The following LY86 variants were observed in gnomAD, a reference collection of about 807,000 sequenced individuals.
The protein encoded by LY86 is lymphocyte antigen 86.
LY86 carries 20 observed loss-of-function variants against 17.3 expected under a neutral mutation model. The observed-to-expected ratio is 1.15, with a 90% CI of 0.81 to 1.68. LY86 has a LOEUF of 1.68. Among genes scored for constraint, LY86 ranks in the 40% most tolerant of loss-of-function variants. LY86 has a pLI of 0.00. For synonymous variants in LY86, 74 were observed against 70.6 expected (o/e 1.05, Z -0.24); for missense variants, 200 against 191.9 (o/e 1.04, Z -0.25).
At chr6:6,605,818 C>G (rs1185198012) in intron 1 of LY86, among the ~76,000 whole-genome samples, 22 of 150,902 alleles carry the variant, frequency 1.5e-4, no homozygotes, top group Admixed American at 1.4e-3. Flanking sequence ...CGTGGTCTCG[C>G]TGGCTGACTT....
chr6:6,626,123 T>C (rs1169917089), intron 2 of LY86, among the ~76,000 whole-genome samples, 170 bp from the exon 3 acceptor site: 1 of 152,214 alleles, frequency 6.6e-6, no homozygotes, highest in African/African-American at 2.4e-5. Context: ...TAATCCCCTG[T>C]AGCATTGCCT....
At chr6:6,593,544 C>T (rs185694631) in intron 1 of LY86, among the ~76,000 whole-genome samples, 1 of 152,278 alleles carries the variant, frequency 6.6e-6, no homozygotes, top group East Asian at 1.9e-4. Context: ...GTGAGAAGGA[C>T]TATATGAAAG....
chr6:6,600,606 A>T (rs1255759751), intron 1 of LY86, among the ~76,000 whole-genome samples: 1 of 139,730 alleles, frequency 7.2e-6, no homozygotes, highest in African/African-American at 2.7e-5. Flanking sequence ...AAAAAAAAAA[A>T]AAAAAAAAAA....
intron 1 of LY86, among the ~76,000 whole-genome samples, chr6:6,600,551 T>C (rs1387485787): frequency 1.5e-5 from 2 of 129,952 alleles, no homozygotes; most frequent in Non-Finnish European, 3.1e-5. Context: ...TATTGCACCA[T>C]TGCACTCCAG....
At chr6:6,632,339 T>A (rs894195534) in intron 3 of LY86, among the ~76,000 whole-genome samples, 1 of 152,206 alleles carries the variant, frequency 6.6e-6, no homozygotes, top group Non-Finnish European at 1.5e-5. Flanking sequence ...CATTTCTCTA[T>A]TTCTCAATTA....
rs1008144381 is a variant in LY86 at position 6,649,610 on chromosome 6, T to A, written c.353-15T>A. Reference sequence around the variant, plus strand: ...TGATTGAATAACATCATCTATGCTTTATATATTTTTTCAGAGCAGATTTAC... The same window carrying A: ...TGATTGAATAACATCATCTATGCTTAATATATTTTTTCAGAGCAGATTTAC... On this transcript the variant is annotated splice_polypyrimidine_tract_variant and intron_variant, in intron 3 of 4. Coordinates refer to ENST00000230568, the MANE Select transcript of LY86 (RefSeq NM_004271.4). 6 of 1,491,534 alleles carry A rather than the reference T, an allele frequency of 4.0e-6. No homozygotes were observed. The African/African-American group carries it at 5.6e-5, about 14-fold the overall frequency. 92.4% of individuals were successfully genotyped at this position (1,491,534 alleles called of 1,614,324 possible).
intron 1 of LY86, among the ~76,000 whole-genome samples, chr6:6,604,323 A>C (rs1761023174): frequency 6.6e-6 from 1 of 152,222 alleles, no homozygotes; most frequent in Non-Finnish European, 1.5e-5. Context: ...ACAGTATATA[A>C]AATGTATAGC....
chr6:6,648,991 C>T (rs1762147060), intron 3 of LY86, among the ~76,000 whole-genome samples: 1 of 152,108 alleles, frequency 6.6e-6, no homozygotes, highest in Non-Finnish European at 1.5e-5. Flanking sequence ...GTAGAATATG[C>T]ATTAGTTCAT....
At chr6:6,623,343 C>T (rs1761720329) in intron 1 of LY86, among the ~76,000 whole-genome samples, 2 of 152,132 alleles carry the variant, frequency 1.3e-5, no homozygotes, top group Admixed American at 6.5e-5. Context: ...AGCTTAGGGC[C>T]CCGCAGAGCT....
In LY86 at chr6:6,624,921, C is replaced by G; in HGVS notation, c.137-5C>G. 6.9e-7 allele frequency: 1 copy of G among 1,456,438 alleles called. No individual in the cohort carries two copies. Among genetic ancestry groups the G allele is most frequent in the Non-Finnish European group, 9.5e-7 (1 of 1,048,932 alleles). The allele number at this position is 1,456,438 out of a possible 1,614,324, so 90.2% of individuals were successfully genotyped here. A position where few individuals can be genotyped will look rare whatever the true frequency, so the allele number is the denominator to read the frequency against. On this transcript the variant is annotated splice_region_variant and splice_polypyrimidine_tract_variant and intron_variant, in intron 1 of 4. Transcript: ENST00000230568. ...GCAACTAATCTATTGTTTTCTTCTTCGTAGATCCATTACAAGATTTTGGCT... is the reference window on the plus strand; with the variant it reads ...GCAACTAATCTATTGTTTTCTTCTTGGTAGATCCATTACAAGATTTTGGCT...
intron 3 of LY86, among the ~76,000 whole-genome samples, chr6:6,635,289 A>C (rs1038894890): frequency 1.3e-5 from 2 of 152,234 alleles, no homozygotes; most frequent in African/African-American, 2.4e-5. Flanking sequence ...CCATATATAC[A>C]TATACCTATG....
At chr6:6,652,297 C>T (rs1762199898) in intron 4 of LY86, among the ~76,000 whole-genome samples, 1 of 152,044 alleles carries the variant, frequency 6.6e-6, no homozygotes, top group African/African-American at 2.4e-5. Context: ...GCCCGCAATG[C>T]ACGGAGGCTT....
chr6:6,625,773 G>A (rs1761773772), intron 2 of LY86, among the ~76,000 whole-genome samples: 1 of 152,174 alleles, frequency 6.6e-6, no homozygotes, highest in Non-Finnish European at 1.5e-5. Context: ...GAGAGAAAAA[G>A]CGAGAAAAGA....
intron 4 of LY86, among the ~76,000 whole-genome samples, chr6:6,653,685 T>G (rs1762219348): frequency 6.6e-6 from 1 of 152,242 alleles, no homozygotes; most frequent in Non-Finnish European, 1.5e-5. Context: ...GCTGGTGAAC[T>G]GTGCTCCCCG....
chr6:6,627,421 G>C (rs1454058076), intron 3 of LY86, among the ~76,000 whole-genome samples: 1 of 152,146 alleles, frequency 6.6e-6, no homozygotes, highest in Non-Finnish European at 1.5e-5. Flanking sequence ...ATGGAAGTCG[G>C]GGGAACTTTG....
At chr6:6,611,806 C>A (rs1184519229) in intron 1 of LY86, among the ~76,000 whole-genome samples, 1 of 152,110 alleles carries the variant, frequency 6.6e-6, no homozygotes, top group African/African-American at 2.4e-5. Context: ...AAAGCTTTAA[C>A]AATCGGACCG....
chr6:6,612,333 C>T (rs1048868276), intron 1 of LY86, among the ~76,000 whole-genome samples: 4 of 152,168 alleles, frequency 2.6e-5, no homozygotes, highest in East Asian at 3.8e-4. Context: ...TGCAGACCCT[C>T]GCAGTAAGCA....
chr6:6,591,821 G>A (rs897105053), intron 1 of LY86, among the ~76,000 whole-genome samples: 22 of 152,132 alleles, frequency 1.4e-4, no homozygotes, highest in African/African-American at 4.8e-4. Flanking sequence ...CAGGCAAAGT[G>A]GACTAAAGGA....
At chr6:6,597,119 C>T (rs750124540) in intron 1 of LY86, among the ~76,000 whole-genome samples, 6 of 152,214 alleles carry the variant, frequency 3.9e-5, no homozygotes, top group Admixed American at 6.5e-5. Context: ...CAACACATTC[C>T]TAAAGCAGCA....
Sources: gnomAD v4.1 joint callset for allele counts (sites outside exome capture counted in the v4.1 genomes callset) on GRCh38, gnomAD v4.1.1 for gene constraint, MANE v1.5 for transcripts, NCBI Gene and HGNC (gene_info 2026-07-23, HGNC 2026-07-21) for gene names.